The following MSR1 variants were observed in gnomAD, a reference collection of about 807,000 sequenced individuals.
The protein encoded by MSR1 is macrophage scavenger receptor types I and II.
In MSR1, 53 loss-of-function variants were observed where a neutral mutation model predicts 47.2. That is an observed-to-expected ratio of 1.12 (90% CI 0.90 to 1.41). The LOEUF (loss-of-function observed/expected upper bound fraction) is 1.41. Among genes scored for constraint, MSR1 ranks in the 40% most tolerant of loss-of-function variants. MSR1 has a pLI of 0.00. For synonymous variants in MSR1, 239 were observed against 185.6 expected (o/e 1.29, Z -2.34); for missense variants, 786 against 546.9 (o/e 1.44, Z -4.36).
rs575923913 is a variant in MSR1, at chr8:16,115,778, G to T, written c.1222+4640C>A. Among the ~76,000 whole-genome samples the T allele has an allele frequency of 1.9e-4, 29 of 152,144 alleles. No homozygotes were observed. The South Asian group carries it at 2.5e-3, about 13-fold the overall frequency. ...GGATTGCTTGAGGCTAGGAGTTTTA[G>T]ATGAGCCTGAGCAACTTAGCAAGAA... On this transcript the variant is annotated intron_variant, in intron 9 of 9. Transcript: ENST00000262101.
At chr8:16,134,149 C>G (rs1397657194) in intron 8 of MSR1, among the ~76,000 whole-genome samples, 2 of 152,154 alleles carry the variant, frequency 1.3e-5, no homozygotes, top group Non-Finnish European at 2.9e-5. Context: ...GGTGATTTCA[C>G]CATTCTTCCA....
At chr8:16,147,736 C>A (rs116677921) in intron 7 of MSR1, among the ~76,000 whole-genome samples, 56 of 152,268 alleles carry the variant, frequency 3.7e-4, no homozygotes, top group African/African-American at 1.3e-3. Context: ...CCTGGCACTG[C>A]TGCTGACATC....
chr8:16,137,276 T>C (rs774276124), intron 8 of MSR1, among the ~76,000 whole-genome samples: 1 of 152,082 alleles, frequency 6.6e-6, no homozygotes, highest in Non-Finnish European at 1.5e-5. Flanking sequence ...GCTGGAGTAG[T>C]TATGAAGGTG....
intron 1 of MSR1, among the ~76,000 whole-genome samples, chr8:16,182,479 C>A (rs1159242059): frequency 6.6e-6 from 1 of 152,080 alleles, no homozygotes; most frequent in Non-Finnish European, 1.5e-5. Flanking sequence ...TTTATAATAA[C>A]ACCTGGCTTA....
intron 8 of MSR1, among the ~76,000 whole-genome samples, chr8:16,127,434 T>C (rs1321593592): frequency 6.6e-6 from 1 of 152,204 alleles, no homozygotes; most frequent in Admixed American, 6.5e-5. Context: ...ATCCACTTTT[T>C]AGTGCCCTGG....
intron 9 of MSR1, among the ~76,000 whole-genome samples, chr8:16,112,132 C>G (rs563377058): frequency 6.6e-6 from 1 of 152,200 alleles, no homozygotes; most frequent in African/African-American, 2.4e-5. Flanking sequence ...GGTTATTTTT[C>G]CTCTGAGGAC....
At chr8:16,183,227 T>C (rs892235298) in intron 1 of MSR1, among the ~76,000 whole-genome samples, 3 of 152,082 alleles carry the variant, frequency 2.0e-5, no homozygotes, top group Non-Finnish European at 4.4e-5. Context: ...TCTGCCTCCA[T>C]TTTTACTGAA....
intron 5 of MSR1, among the ~76,000 whole-genome samples, chr8:16,162,640 T>C (rs1206831567): frequency 2.0e-5 from 3 of 151,972 alleles, no homozygotes; most frequent in Non-Finnish European, 2.9e-5. Context: ...GAAGAGAAAC[T>C]GATTGCCAGG....
At chr8:16,172,431 G>T (rs191330327) in intron 3 of MSR1, among the ~76,000 whole-genome samples, 1 of 151,946 alleles carries the variant, frequency 6.6e-6, no homozygotes, top group African/African-American at 2.4e-5. Flanking sequence ...CATATATCTA[G>T]GTAAAGAATG....
intron 1 of MSR1, among the ~76,000 whole-genome samples, chr8:16,191,127 T>A (rs1003837852): frequency 6.6e-6 from 1 of 152,184 alleles, no homozygotes; most frequent in African/African-American, 2.4e-5. Flanking sequence ...TAACAGCAGT[T>A]GAATGTGTAT....
intron 8 of MSR1, among the ~76,000 whole-genome samples, chr8:16,141,688 A>T (rs79390904): frequency 0.018 from 2,728 of 152,280 alleles, 83 homozygotes; most frequent in African/African-American, 0.06. Context: ...CAAAGAAAGC[A>T]TGTGCATAAA....
At chr8:16,176,343 C>T (rs940932904) in intron 2 of MSR1, among the ~76,000 whole-genome samples, 2 of 151,748 alleles carry the variant, frequency 1.3e-5, no homozygotes, top group Non-Finnish European at 2.9e-5. Flanking sequence ...CCTGGCTCTA[C>T]AAAAACTACA....
At chr8:16,151,953 G>C (rs1800873008) in intron 6 of MSR1, among the ~76,000 whole-genome samples, 1 of 152,074 alleles carries the variant, frequency 6.6e-6, no homozygotes, top group African/African-American at 2.4e-5. Flanking sequence ...CCTGTAAAAT[G>C]GGTGTATTAT....
At chr8:16,153,235 A>C (rs553636215) in intron 6 of MSR1, among the ~76,000 whole-genome samples, 1 of 152,178 alleles carries the variant, frequency 6.6e-6, no homozygotes, top group South Asian at 2.1e-4. Context: ...ATGATTGTCC[A>C]TCATATACTC....
At chr8:16,170,672 C>G (rs1162796094) in intron 3 of MSR1, among the ~76,000 whole-genome samples, 1 of 152,030 alleles carries the variant, frequency 6.6e-6, no homozygotes, top group African/African-American at 2.4e-5. Context: ...GAGAATTAAA[C>G]AACACATGAA....
chr8:16,175,496 C>G (rs1227545868), intron 2 of MSR1, among the ~76,000 whole-genome samples, 196 bp from the exon 3 acceptor site: 2 of 152,198 alleles, frequency 1.3e-5, no homozygotes, highest in East Asian at 3.8e-4. Flanking sequence ...ATTATAGGCA[C>G]TTGACTGACT....
chr8:16,148,190 A>G (rs1480230021), intron 7 of MSR1, among the ~76,000 whole-genome samples: 1 of 152,150 alleles, frequency 6.6e-6, no homozygotes, highest in African/African-American at 2.4e-5. Flanking sequence ...AACCTCACCA[A>G]GGTTGTTTAC....
intron 6 of MSR1, among the ~76,000 whole-genome samples, 189 bp downstream of exon 6, chr8:16,154,875 G>T (rs1800957002): frequency 6.6e-6 from 1 of 151,466 alleles, no homozygotes; most frequent in Non-Finnish European, 1.5e-5. Context: ...ATGTGATTAG[G>T]CTACTAGAAC....
chr8:16,118,534 C>T (rs933904897), intron 9 of MSR1, among the ~76,000 whole-genome samples: 2 of 151,984 alleles, frequency 1.3e-5, no homozygotes, highest in Non-Finnish European at 2.9e-5. Flanking sequence ...CAAAAACTAG[C>T]CAGGTGTGAT....
Sources: gnomAD v4.1 joint callset for allele counts (sites outside exome capture counted in the v4.1 genomes callset) on GRCh38, gnomAD v4.1.1 for gene constraint, MANE v1.5 for transcripts, NCBI Gene and HGNC (gene_info 2026-07-23, HGNC 2026-07-21) for gene names.